Variants in LOC128462377 observed in about 807,000 individuals in gnomAD.
At chr16:89,367,807 T>C in the LOC128462377 span, among the ~76,000 whole-genome samples, 2 of 152,118 alleles carry the variant, frequency 1.3e-5, no homozygotes, top group South Asian at 2.1e-4. Context: ...CAAAAGCAGG[T>C]GGGGAGCCTG....
the LOC128462377 span, among the ~76,000 whole-genome samples, chr16:89,317,708 C>T: frequency 6.6e-6 from 1 of 152,220 alleles, no homozygotes; most frequent in Non-Finnish European, 1.5e-5. Flanking sequence ...GGCTCCAGCT[C>T]CTGGGTTTCC....
At chr16:89,406,717 G>T in the LOC128462377 span, among the ~76,000 whole-genome samples, 1 of 152,290 alleles carries the variant, frequency 6.6e-6, no homozygotes, top group East Asian at 1.9e-4. Context: ...GAAGAAGATG[G>T]ACCTCAGTGC....
chr16:89,330,779 T>A, the LOC128462377 span, among the ~76,000 whole-genome samples: 1 of 148,644 alleles, frequency 6.7e-6, no homozygotes, highest in Non-Finnish European at 1.5e-5. Flanking sequence ...TAGCCCACAC[T>A]CTGCAGAGAA....
chr16:89,319,211 G>C, the LOC128462377 span, among the ~76,000 whole-genome samples: 1 of 152,376 alleles, frequency 6.6e-6, no homozygotes, highest in African/African-American at 2.4e-5. Flanking sequence ...GGCGTGGTCA[G>C]GGCGCAGACC....
chr16:89,408,284 A>G, the LOC128462377 span, among the ~76,000 whole-genome samples: 1 of 152,248 alleles, frequency 6.6e-6, no homozygotes, highest in East Asian at 1.9e-4. Flanking sequence ...CAGCCCTTCC[A>G]CATTCACTTT....
the LOC128462377 span, among the ~76,000 whole-genome samples, chr16:89,365,572 A>G: frequency 2.6e-5 from 4 of 152,218 alleles, no homozygotes; most frequent in African/African-American, 9.7e-5. Context: ...CCAAGCTCTT[A>G]TGTCTTGTGT....
At chr16:89,339,394 G>C in the LOC128462377 span, among the ~76,000 whole-genome samples, 1 of 152,170 alleles carries the variant, frequency 6.6e-6, no homozygotes, top group African/African-American at 2.4e-5. Context: ...GAGAAACCAA[G>C]AACTGGGAAA....
the LOC128462377 span, chr16:89,323,223 G>GAA: frequency 5.5e-6 from 6 of 1,090,828 alleles, no homozygotes; most frequent in Non-Finnish European, 2.5e-6. Context: ...CTGAGCGGAG[G>GAA]AAAAAAGAAA....
the LOC128462377 span, among the ~76,000 whole-genome samples, chr16:89,399,204 G>A: frequency 9.2e-3 from 1,403 of 152,258 alleles, 23 homozygotes; most frequent in Non-Finnish European, 8.4e-3. Context: ...AGGCAGAACC[G>A]AGTTCAGGGG....
At chr16:89,354,262 A>G in the LOC128462377 span, among the ~76,000 whole-genome samples, 1 of 149,306 alleles carries the variant, frequency 6.7e-6, no homozygotes, top group Admixed American at 6.7e-5. Context: ...AAAAAAAAAG[A>G]AAACTTCATG....
chr16:89,354,363 A>G, the LOC128462377 span, among the ~76,000 whole-genome samples: 8 of 152,222 alleles, frequency 5.3e-5, no homozygotes, highest in Admixed American at 1.3e-4. Flanking sequence ...TGATTTTACT[A>G]ACATTAGACA....
At chr16:89,323,669 G>A in the LOC128462377 span, 2 of 313,768 alleles carry the variant, frequency 6.4e-6, no homozygotes, top group Admixed American at 4.6e-5. Flanking sequence ...CACACCGCCT[G>A]ACAGTCCACG....
chr16:89,318,221 G>A, the LOC128462377 span, among the ~76,000 whole-genome samples: 2 of 152,146 alleles, frequency 1.3e-5, no homozygotes, highest in Non-Finnish European at 2.9e-5. Flanking sequence ...CGCCACGCCT[G>A]GCATGGACAC....
At chr16:89,406,659 A>C in the LOC128462377 span, among the ~76,000 whole-genome samples, 1 of 152,194 alleles carries the variant, frequency 6.6e-6, no homozygotes, top group Non-Finnish European at 1.5e-5. Flanking sequence ...TTAGTTAACC[A>C]GGACTGTGAT....
At chr16:89,398,017 TG>T in the LOC128462377 span, among the ~76,000 whole-genome samples, 1 of 152,250 alleles carries the variant, frequency 6.6e-6, no homozygotes, top group African/African-American at 2.4e-5. Flanking sequence ...CCAGTGACAA[TG>T]TAGCACTGTC....
the LOC128462377 span, among the ~76,000 whole-genome samples, chr16:89,373,983 G>C: frequency 2.0e-5 from 3 of 152,240 alleles, no homozygotes; most frequent in East Asian, 3.8e-4. Flanking sequence ...ATCTCCAGAA[G>C]GGTCTGACGA....
chr16:89,344,785 C>T, the LOC128462377 span, among the ~76,000 whole-genome samples: 1 of 152,200 alleles, frequency 6.6e-6, no homozygotes, highest in African/African-American at 2.4e-5. Context: ...GACGTGAGGC[C>T]AGAGGCGGCT....
At chr16:89,415,850 A>AAAAAAAAAAAAAAAAAAAAAAAAC in the LOC128462377 span, among the ~76,000 whole-genome samples, 2 of 147,384 alleles carry the variant, frequency 1.4e-5, no homozygotes, top group Non-Finnish European at 3.0e-5. Context: ...AAAAAAAAAA[A>AAAAAAAAAAAAAAAAAAAAAAAAC]CAATGGAGAA....
the LOC128462377 span, among the ~76,000 whole-genome samples, chr16:89,318,388 CAGTT>C: frequency 6.6e-6 from 1 of 152,224 alleles, no homozygotes; most frequent in Non-Finnish European, 1.5e-5. Context: ...GCCGCACCGT[CAGTT>C]AGAAAACATT....
Sources: allele counts gnomAD v4.1 joint callset (sites outside exome capture counted in the v4.1 genomes callset), GRCh38; gene constraint gnomAD v4.1.1; transcripts MANE v1.5.